The following NCOR2 variants were observed in gnomAD, a reference collection of about 807,000 sequenced individuals.
NCOR2 encodes the protein nuclear receptor corepressor 2.
A neutral mutation model predicts 262.9 loss-of-function variants in NCOR2; 81 were observed. The observed-to-expected ratio is 0.31, with a 90% CI of 0.26 to 0.37. The LOEUF is 0.37. Ranked by LOEUF, NCOR2 falls within the 10% of genes least tolerant of loss-of-function variation. NCOR2 has a pLI of 1.00. For missense variants in NCOR2, 3,385 were observed against 3,621.4 expected (o/e 0.93, Z 1.68); for synonymous variants, 1,659 against 1,559.3 (o/e 1.06, Z -1.51).
intron 7 of NCOR2, among the ~76,000 whole-genome samples, chr12:124,438,310 G>GA (rs1364504024): frequency 6.6e-6 from 1 of 152,160 alleles, no homozygotes. Context: ...TCTGCCCACG[G>GA]AAAGATGGCC....
At chr12:124,402,512 G>GGCC in exon 14 of NCOR2, 1 of 1,459,254 alleles carries the variant, frequency 6.9e-7, no homozygotes, top group Non-Finnish European at 9.4e-7. Context: ...GCGGGGCATG[G>GGCC]GCTGCTGCTG....
In NCOR2 at chr12:124,503,606, G is replaced by T. The variant is rs1195745310; in HGVS notation, c.-117-8238C>A. Among the ~76,000 whole-genome samples the T allele has an allele frequency of 6.8e-6, 1 of 146,688 alleles. No individual in the cohort carries two copies. Among genetic ancestry groups the T allele is most frequent in the African/African-American group, 2.6e-5 (1 of 39,204 alleles). ...CGGATGGACGGATGGATGGATGGAC[G>T]GACGGACGGATGGATGGATGGATGG... On this transcript the variant is annotated intron_variant, in intron 1 of 46. Coordinates refer to the NCOR2 transcript ENST00000404621. This position sits in a 1 kb window ranked among gnomAD's most constrained non-coding sequence, Gnocchi z 4.3.
In NCOR2 at chr12:124,346,776, T is replaced by A. The variant is rs984709723; in HGVS notation, c.4147A>T (p.Thr1383Ser). The A allele has an allele frequency of 7.0e-6, 11 of 1,560,426 alleles. No homozygotes were observed. The highest frequency in any genetic ancestry group is 7.8e-6 in the Non-Finnish European group (9 of 1,153,056). The change falls in exon 31 of 47, where the codon ACG becomes TCG. Residue 1383 changes from threonine to serine, a missense_variant. Around this residue, in one of 5 missense-constraint regions of NCOR2, gnomAD observed 1,615 missense variants for 1,626.9 expected, o/e 0.99. Transcript: ENST00000405201. ...CGTGAGGGCGGTGGGGGCGGAGGCG[T>A]GCCCTCCCGCTTTAGGAGCTTGGCC...
rs184265453 is a variant in NCOR2 at position 124,494,766 on chromosome 12, C to T, written c.105+381G>A. On this transcript the variant is annotated intron_variant, in intron 1 of 46. Transcript: ENST00000405201. Reference sequence around the variant, plus strand: ...AGCTGTGACCTATCCGGCCCCCTTGCCCCCTGGAAGCCACCCCAATCCTAC... The same window carrying T: ...AGCTGTGACCTATCCGGCCCCCTTGTCCCCTGGAAGCCACCCCAATCCTAC... Among the ~76,000 whole-genome samples, 4 of 152,250 alleles carry T rather than the reference C, an allele frequency of 2.6e-5. 1 individual carries two copies. In the East Asian group the frequency reaches 7.7e-4, roughly 29 times the overall value.
At chr12:124,453,085 G>A (rs1423870651) in intron 6 of NCOR2, among the ~76,000 whole-genome samples, 2 of 152,180 alleles carry the variant, frequency 1.3e-5, no homozygotes, top group South Asian at 4.1e-4. Flanking sequence ...GGGAGGGAGG[G>A]ACAGTGACAT....
At position 124,340,754 on chromosome 12, in the gene NCOR2, G is replaced by A; in HGVS notation, c.5189-3C>T. The A allele has an allele frequency of 6.5e-7, 1 of 1,534,286 alleles. No homozygotes were observed. The highest frequency in any genetic ancestry group is 8.7e-7 in the Non-Finnish European group (1 of 1,153,918). Reference sequence around the variant, plus strand: ...CACTTGGGACAGGTCGATGATGCCTGCGGGAGGTGTTGGGCCAGGGCTGTA... The same window carrying A: ...CACTTGGGACAGGTCGATGATGCCTACGGGAGGTGTTGGGCCAGGGCTGTA... On this transcript the variant is annotated splice_polypyrimidine_tract_variant and splice_region_variant and intron_variant, in intron 34 of 46. Transcript: ENST00000405201.
intron 1 of NCOR2, among the ~76,000 whole-genome samples, chr12:124,502,543 C>CAA (rs2048803973): frequency 6.6e-6 from 1 of 152,080 alleles, no homozygotes; most frequent in South Asian, 2.1e-4. Flanking sequence ...ACACAGCAGG[C>CAA]ACAGCAGGTG....
At chr12:124,397,034 A>G (rs1418451934) in intron 16 of NCOR2, among the ~76,000 whole-genome samples, 3 of 152,144 alleles carry the variant, frequency 2.0e-5, no homozygotes, top group African/African-American at 7.2e-5. Context: ...TCCCAGCCCC[A>G]CACACCAGCT....
In NCOR2 at chr12:124,523,818, G is replaced by C. The variant is rs2050318537; in HGVS notation, c.-118+11747C>G. Among the ~76,000 whole-genome samples, 1 of 152,198 alleles carries C rather than the reference G, an allele frequency of 6.6e-6. No individual in the cohort carries two copies. Among genetic ancestry groups the C allele is most frequent in the Non-Finnish European group, 1.5e-5 (1 of 68,042 alleles). On this transcript the variant is annotated intron_variant, in intron 1 of 46. Coordinates refer to the NCOR2 transcript ENST00000404621. This position sits in a 1 kb window ranked among gnomAD's most constrained non-coding sequence, Gnocchi z 4.0. ...TACTGGGAAACTGAGGCAGAGAGCA[G>C]TGAAGTGACTTGCCCAAGGGGACGG...
At chr12:124,380,936 AG>A (rs774475369) in intron 17 of NCOR2, among the ~76,000 whole-genome samples, 29 of 152,254 alleles carry the variant, frequency 1.9e-4, no homozygotes, top group South Asian at 4.1e-4. Context: ...TGTGTAGAAT[AG>A]GAGATGCTAG....
At chr12:124,350,014 G>A (rs1238007233) in intron 28 of NCOR2, among the ~76,000 whole-genome samples, 2 of 152,178 alleles carry the variant, frequency 1.3e-5, no homozygotes, top group Non-Finnish European at 2.9e-5. Context: ...AGGCAATTCC[G>A]GGCCTCGCAG....
intron 46 of NCOR2, 85 bp from the exon 49 acceptor site, chr12:124,325,668 GAGGCCTCAGCGTTTCTGTCCAAC>G: frequency 1.1e-6 from 1 of 951,602 alleles, no homozygotes; most frequent in Non-Finnish European, 1.4e-6. Flanking sequence ...ACCGGGAACA[GAGGCCTCAGCGTTTCTGTCCAAC>G]AGTCCTCCCA....
intron 16 of NCOR2, chr12:124,388,788 G>T: frequency 7.7e-7 from 1 of 1,303,040 alleles, no homozygotes; most frequent in Non-Finnish European, 1.0e-6. Flanking sequence ...CTGGGCGGCC[G>T]CGGTCGGCTC....
rs185329250 is a variant in NCOR2, at chr12:124,334,630, G to A, written c.6412-13C>T. 84 of 1,358,504 alleles carry A rather than the reference G, an allele frequency of 6.2e-5. No individual in the cohort carries two copies. In the African/African-American group the frequency reaches 1.0e-3, roughly 17 times the overall value. The allele number at this position is 1,358,504 out of a possible 1,614,324, so 84.2% of individuals were successfully genotyped here. Reference sequence around the variant, plus strand: ...GTGTGATGACCTCCTGCAGGCAAGTGGGGGGGCCCAGAGTCAGGCAGCACT... The same window carrying A: ...GTGTGATGACCTCCTGCAGGCAAGTAGGGGGGCCCAGAGTCAGGCAGCACT... On this transcript the variant is annotated splice_polypyrimidine_tract_variant and intron_variant, in intron 40 of 46. Coordinates refer to ENST00000405201, the Ensembl canonical transcript of NCOR2.
chr12:124,464,447 T>C (rs548055613), intron 5 of NCOR2, among the ~76,000 whole-genome samples: 68 of 152,334 alleles, frequency 4.5e-4, no homozygotes, highest in African/African-American at 1.6e-3. Flanking sequence ...CAATCTTGGC[T>C]CCAAGTCCCA....
Position 124,440,202 on chromosome 12 carries a change from C to T in NCOR2, c.816-2206G>A, listed in dbSNP as rs1408777722. 6.6e-6 allele frequency among the ~76,000 whole-genome samples: 1 copy of T among 152,202 alleles called. No individual in the cohort carries two copies. The highest frequency in any genetic ancestry group is 1.5e-5 in the Non-Finnish European group (1 of 68,032). On this transcript the variant is annotated intron_variant, in intron 7 of 46. Coordinates refer to ENST00000405201, the Ensembl canonical transcript of NCOR2. This position sits in a 1 kb window ranked among gnomAD's most constrained non-coding sequence, Gnocchi z 5.7. The stretch of plus-strand genomic sequence containing the variant: ...AACTTTTTCATATTCTCAGCAGTGT[C>T]CAAACCCCCTCAAAAGTTCCAAAGC...
exon 21 of NCOR2, chr12:124,363,682 G>A (rs12321697): frequency 1.4e-6 from 2 of 1,383,080 alleles, no homozygotes. Flanking sequence ...CACTCACGAT[G>A]GGGGGGATGG....
upstream of NCOR2, among the ~76,000 whole-genome samples, chr12:124,500,026 C>A (rs1165230387): frequency 6.6e-6 from 1 of 152,128 alleles, no homozygotes; most frequent in Non-Finnish European, 1.5e-5. Context: ...GCTGCGAGGA[C>A]CCTGTGCCTG....
At chr12:124,334,364 G>C (rs929369594) in intron 41 of NCOR2, 60 bp downstream of exon 43, 1 of 1,262,606 alleles carries the variant, frequency 7.9e-7, no homozygotes, top group Non-Finnish European at 1.1e-6. Context: ...TCTGAGGCAG[G>C]CAGCTGACGA....
Sources: allele counts gnomAD v4.1 joint callset (sites outside exome capture counted in the v4.1 genomes callset), GRCh38; gene constraint gnomAD v4.1.1; regional missense constraint gnomAD v4.1.1; non-coding constraint Gnocchi (gnomAD v3.1); transcripts MANE v1.5; gene names NCBI Gene and HGNC (gene_info 2026-07-23, HGNC 2026-07-21).